The following GGA1 variants were observed in gnomAD, a reference collection of about 807,000 sequenced individuals.
GGA1 encodes the protein golgi associated, gamma adaptin ear containing, ARF binding protein 1.
GGA1 carries 18 observed loss-of-function variants against 76.9 expected under a neutral mutation model. That is an observed-to-expected ratio of 0.23 (90% CI 0.16 to 0.35). The LOEUF is 0.35. Among genes scored for constraint, GGA1 ranks in the 10% least tolerant of loss-of-function variants. GGA1 has a pLI of 1.00. For missense variants in GGA1, 755 were observed against 859.0 expected (o/e 0.88, Z 1.51); for synonymous variants, 342 against 354.7 (o/e 0.96, Z 0.40).
At chr22:37,618,742 G>C (rs1026501260) in intron 4 of GGA1, among the ~76,000 whole-genome samples, 196 bp downstream of exon 4, 1 of 152,224 alleles carries the variant, frequency 6.6e-6, no homozygotes, top group Non-Finnish European at 1.5e-5. Flanking sequence ...GGACAGCCTG[G>C]GGTCTCGGAG....
At chr22:37,616,554 C>T (rs1019796736) in intron 2 of GGA1, among the ~76,000 whole-genome samples, 1 of 152,098 alleles carries the variant, frequency 6.6e-6, no homozygotes, top group Admixed American at 6.6e-5. Flanking sequence ...TGTGTCTGCC[C>T]GTCTCTCATG....
Position 37,630,184 on chromosome 22 carries a change from A to G in GGA1, c.1331+14A>G, listed in dbSNP as rs1013123606. On this transcript the variant is annotated intron_variant, in intron 13 of 16. Transcript: ENST00000343632. ...GCAAGTGCGGTGGTGAGGGCCCACC[A>G]TGGCTGGCATGGGGTGGGGAGCACT... is the stretch of plus-strand genomic sequence containing the variant. 1 of 1,544,354 alleles carries G rather than the reference A, an allele frequency of 6.5e-7. No individual in the cohort carries two copies. The highest frequency in any genetic ancestry group is 2.0e-5 in the Admixed American group (1 of 50,468).
At chr22:37,614,111 C>T (rs1176666780) in intron 1 of GGA1, 79 bp from the exon 2 acceptor site, 2 of 980,820 alleles carry the variant, frequency 2.0e-6, no homozygotes, top group African/African-American at 3.2e-5. Context: ...CACTCCTGAC[C>T]ACACCTTTGC....
chr22:37,633,055 A>C lies in GGA1; in HGVS notation c.*344A>C. 4.1e-6 allele frequency: 1 copy of C among 244,438 alleles called. No individual in the cohort carries two copies. The highest frequency in any genetic ancestry group is 8.1e-6 in the Non-Finnish European group (1 of 123,334). 15.1% of individuals were successfully genotyped at this position (244,438 alleles called of 1,614,324 possible). The stretch of plus-strand genomic sequence containing the variant: ...GGCCAGGACCTCAGGCCCAGCCCCA[A>C]CCCCAGCTGGGGTGGGGTCTTCCCC... On this transcript the variant is annotated 3_prime_UTR_variant, in exon 17 of 17. Coordinates refer to ENST00000343632, the MANE Select transcript of GGA1 (RefSeq NM_013365.5).
In GGA1 at chr22:37,609,552, C is replaced by G. The variant is rs543830130; in HGVS notation, c.43+649C>G. 7.2e-4 allele frequency among the ~76,000 whole-genome samples: 110 copies of G among 152,332 alleles called. 3 individuals are homozygous for G. In the South Asian group the frequency reaches 0.022, roughly 30 times the overall value. Reference sequence around the variant, plus strand: ...ACTCCCTTCAGCCTAACCCCTCAGTCTCCAAGATGCCTTTCCCAGCTCTTG... The same window carrying G: ...ACTCCCTTCAGCCTAACCCCTCAGTGTCCAAGATGCCTTTCCCAGCTCTTG... On this transcript the variant is annotated intron_variant, in intron 1 of 16. Coordinates refer to ENST00000343632, the MANE Select transcript of GGA1 (RefSeq NM_013365.5).
chr22:37,630,381 T>C, intron 13 of GGA1: 1 of 527,684 alleles, frequency 1.9e-6, no homozygotes, highest in Non-Finnish European at 3.2e-6. Flanking sequence ...CCCCCAGGTG[T>C]TCCCAGCTCC....
intron 5 of GGA1, 124 bp downstream of exon 5, chr22:37,620,485 T>G (rs1280536940): frequency 9.7e-7 from 1 of 1,025,730 alleles, no homozygotes; most frequent in African/African-American, 1.6e-5. Flanking sequence ...CTTTAACTTC[T>G]GGAGAAAGTA....
Position 37,630,015 on chromosome 22 carries a change from G to T in GGA1, c.1176G>T (p.Glu392Asp). 1 of 1,570,018 alleles carries T rather than the reference G, an allele frequency of 6.4e-7. No homozygotes were observed. Among genetic ancestry groups the T allele is most frequent in the Non-Finnish European group, 8.6e-7 (1 of 1,157,878 alleles). The change falls in exon 13 of 17, where the codon GAG becomes GAT. Residue 392 changes from glutamate (E) to aspartate (D), a missense_variant. Coordinates refer to ENST00000343632, the MANE Select transcript of GGA1 (RefSeq NM_013365.5). ...CCCCACAGTCGTCGGATGCCACTGA[G>T]CCCCCAGCCCCTGCTCTGGCCCAGG... ...WNSFQSSDAT[E>D]PPAPALAQAP...
rs776052429 is a variant in GGA1, at chr22:37,633,002, T to C, written c.*291T>C. 16 of 408,500 alleles carry C rather than the reference T, an allele frequency of 3.9e-5. No homozygotes were observed. The highest frequency in any genetic ancestry group is 7.3e-5 in the Non-Finnish European group (16 of 220,496). 25.3% of individuals were successfully genotyped at this position (408,500 alleles called of 1,614,324 possible). On this transcript the variant is annotated 3_prime_UTR_variant, in exon 17 of 17. Transcript: ENST00000343632. ...TGTAGCCTTGGAAGAACTTGGGTCA[T>C]GGGGAGGAAGCACAGCTGTTGGGGA...
rs537277042 is a variant in GGA1, at chr22:37,632,202, C to T, written c.1698+37C>T. 1 of 1,582,592 alleles carries T rather than the reference C, an allele frequency of 6.3e-7. No homozygotes were observed. Among genetic ancestry groups the T allele is most frequent in the African/African-American group, 1.3e-5 (1 of 74,472 alleles). On this transcript the variant is annotated intron_variant, in intron 15 of 16. Transcript: ENST00000343632. This position sits in a 1 kb window ranked among gnomAD's most constrained non-coding sequence, Gnocchi z 5.1. Reference sequence around the variant, plus strand: ...GTCGGACAGGGCATGCCTCCCTCCTCTCAAGGCAGGGTGACATGGAGCTGG... The same window carrying T: ...GTCGGACAGGGCATGCCTCCCTCCTTTCAAGGCAGGGTGACATGGAGCTGG...
intron 1 of GGA1, 123 bp from the exon 2 acceptor site, chr22:37,614,067 G>C (rs958202033): frequency 1.4e-6 from 1 of 722,146 alleles, no homozygotes; most frequent in African/African-American, 1.7e-5. Context: ...GGCAGGGGGA[G>C]AGCTTTCCCA....
At position 37,632,181 on chromosome 22, in the gene GGA1, G is replaced by C; in HGVS notation, c.1698+16G>C. On this transcript the variant is annotated intron_variant, in intron 15 of 16. Coordinates refer to ENST00000343632, the MANE Select transcript of GGA1 (RefSeq NM_013365.5). This position sits in a 1 kb window ranked among gnomAD's most constrained non-coding sequence, Gnocchi z 5.1. ...TGTCCCCAAGGTGACAAGCCAGTCG[G>C]ACAGGGCATGCCTCCCTCCTCTCAA... The C allele has an allele frequency of 6.2e-7, 1 of 1,602,578 alleles. No homozygotes were observed. Among genetic ancestry groups the C allele is most frequent in the Non-Finnish European group, 8.5e-7 (1 of 1,171,560 alleles).
rs1251898426 is a variant in GGA1 at position 37,632,025 on chromosome 22, C to G, written c.1558C>G (p.Gln520Glu). The G allele has an allele frequency of 6.2e-7, 1 of 1,612,772 alleles. No homozygotes were observed. The highest frequency in any genetic ancestry group is 8.5e-7 in the Non-Finnish European group (1 of 1,179,852). The change falls in exon 15 of 17, where the codon CAG (glutamine) becomes GAG (glutamate). Residue 520 changes from glutamine to glutamate, a missense_variant. Gln to Glu is a conservative substitution (Grantham distance 29). Transcript: ENST00000343632. The surrounding 1 kb of genome is among the most constrained non-coding windows in gnomAD (Gnocchi z 5.1). Reference sequence around the variant, plus strand: ...CATCCTGCCCGTGACTGTGTATGACCAGCACGGCTTCCGCATCCTCTTCCA... The same window carrying G: ...CATCCTGCCCGTGACTGTGTATGACGAGCACGGCTTCCGCATCCTCTTCCA... ...SNILPVTVYD[Q>E]HGFRILFHFA...
Position 37,624,657 on chromosome 22 carries a change from G to A in GGA1, c.833-312G>A. The stretch of plus-strand genomic sequence containing the variant: ...AGCCTTGGGTGAAGACCTGAAGGCA[G>A]TAAGGGATGAAGCCATGCAGAGATC... On this transcript the variant is annotated intron_variant, in intron 9 of 16. Transcript: ENST00000343632. The surrounding 1 kb of genome is among the most constrained non-coding windows in gnomAD (Gnocchi z 4.3). The A allele has an allele frequency of 3.4e-6, 1 of 295,708 alleles. No individual in the cohort carries two copies. The highest frequency in any genetic ancestry group is 4.0e-5 in the Admixed American group (1 of 25,122). The allele number at this position is 295,708 out of a possible 1,614,324, so 18.3% of individuals were successfully genotyped here.
rs1224610032 is a variant in GGA1 at position 37,632,643 on chromosome 22, G to T, written c.1852G>T (p.Asp618Tyr). The T allele has an allele frequency of 9.9e-6, 16 of 1,613,508 alleles. No homozygotes were observed. Among genetic ancestry groups the T allele is most frequent in the African/African-American group, 1.3e-5 (1 of 74,916 alleles). ...LRYKLTFTMG[D>Y]QTYNEMGDVD... Reference sequence around the variant, plus strand: ...CTACAAGCTCACCTTCACCATGGGTGACCAGACCTACAACGAGATGGGGGA... The same window carrying T: ...CTACAAGCTCACCTTCACCATGGGTTACCAGACCTACAACGAGATGGGGGA... Residue 618 changes from aspartate to tyrosine, a missense_variant, in exon 17 of 17, where the codon GAC becomes TAC. Coordinates refer to ENST00000343632, the MANE Select transcript of GGA1 (RefSeq NM_013365.5). The surrounding 1 kb of genome is among the most constrained non-coding windows in gnomAD (Gnocchi z 5.1).
intron 7 of GGA1, 124 bp downstream of exon 7, chr22:37,621,820 G>A: frequency 1.6e-6 from 1 of 606,558 alleles, no homozygotes; most frequent in Non-Finnish European, 2.8e-6. Flanking sequence ...TGGCACAGCA[G>A]AGAAGCTGAT....
chr22:37,614,244 T>C lies in GGA1; in HGVS notation c.98T>C (p.Phe33Ser). Residue 33 changes from phenylalanine (F) to serine (S), a missense_variant, in exon 2 of 17, where the codon TTC (phenylalanine) becomes TCC (serine). Coordinates refer to ENST00000343632, the MANE Select transcript of GGA1 (RefSeq NM_013365.5). ...CTCGACTGGGCCAGCATCAACGGCT[T>C]CTGCGAGCAGCTCAACGAGGACTTT... ...KELDWASING[F>S]CEQLNEDFEG... is the part of the protein sequence containing the mutation. The C allele has an allele frequency of 6.2e-7, 1 of 1,613,892 alleles. No individual in the cohort carries two copies. The highest frequency in any genetic ancestry group is 8.5e-7 in the Non-Finnish European group (1 of 1,179,858).
Position 37,632,541 on chromosome 22 carries a change from A to C in GGA1, c.1809+26A>C. 1 of 1,585,194 alleles carries C rather than the reference A, an allele frequency of 6.3e-7. No homozygotes were observed. The highest frequency in any genetic ancestry group is 8.7e-7 in the Non-Finnish European group (1 of 1,153,882). On this transcript the variant is annotated intron_variant, in intron 16 of 16. Coordinates refer to ENST00000343632, the MANE Select transcript of GGA1 (RefSeq NM_013365.5). This position sits in a 1 kb window ranked among gnomAD's most constrained non-coding sequence, Gnocchi z 5.1. ...GTAAGGGGCCCCCAGGCAGTGCTGCAGGGTGGGGACGGCCACTTCTCCTCC... is the reference window on the plus strand; with the variant it reads ...GTAAGGGGCCCCCAGGCAGTGCTGCCGGGTGGGGACGGCCACTTCTCCTCC...
chr22:37,617,289 G>C (rs1928993845), intron 3 of GGA1: 1 of 1,309,962 alleles, frequency 7.6e-7, no homozygotes. Context: ...CAGGAAGCGT[G>C]TTCAACACAT....
Sources: allele counts gnomAD v4.1 joint callset (sites outside exome capture counted in the v4.1 genomes callset), GRCh38; gene constraint gnomAD v4.1.1; non-coding constraint Gnocchi (gnomAD v3.1); transcripts MANE v1.5; gene names NCBI Gene and HGNC (gene_info 2026-07-23, HGNC 2026-07-21).